RUNDC3B: variants seen among roughly 807,000 people sequenced by gnomAD.
RUNDC3B encodes the protein RUN domain-containing protein 3B.
In RUNDC3B, 33 loss-of-function variants were observed where a neutral mutation model predicts 58.4. The ratio of observed to expected loss-of-function variants is 0.56; its 90% CI spans 0.43 to 0.75. RUNDC3B has a LOEUF of 0.75. Among genes scored for constraint, RUNDC3B ranks in the 30% least tolerant of loss-of-function variants. The pLI, the probability that RUNDC3B is intolerant of heterozygous loss-of-function variation, is 0.00. For missense variants in RUNDC3B, 501 were observed against 535.7 expected (o/e 0.94, Z 0.64); for synonymous variants, 193 against 195.2 (o/e 0.99, Z 0.10).
chr7:87,721,773 TTCTCTCTC>T (rs374594143), intron 4 of RUNDC3B, among the ~76,000 whole-genome samples: 1 of 148,698 alleles, frequency 6.7e-6, no homozygotes, highest in Non-Finnish European at 1.5e-5. Flanking sequence ...AACATTCTCT[TTCTCTCTC>T]TCTCTCTCTC....
At chr7:87,683,126 A>G (rs968322602) in intron 2 of RUNDC3B, among the ~76,000 whole-genome samples, 7 of 152,132 alleles carry the variant, frequency 4.6e-5, no homozygotes, top group African/African-American at 1.7e-4. Context: ...GCTAGCTTCA[A>G]ACTTTTCTTC....
At chr7:87,782,293 A>G (rs991473452) in intron 8 of RUNDC3B, among the ~76,000 whole-genome samples, 1 of 152,000 alleles carries the variant, frequency 6.6e-6, no homozygotes, top group Non-Finnish European at 1.5e-5. Context: ...GATATTTTGT[A>G]TTTCTGTGGG....
chr7:87,663,746 A>C (rs188715275), intron 2 of RUNDC3B, among the ~76,000 whole-genome samples: 1 of 152,288 alleles, frequency 6.6e-6, no homozygotes, highest in Admixed American at 6.5e-5. Context: ...AGGCTTAAGT[A>C]ACAGAAATTT....
At chr7:87,652,846 G>A (rs1823722567) in intron 2 of RUNDC3B, among the ~76,000 whole-genome samples, 1 of 151,774 alleles carries the variant, frequency 6.6e-6, no homozygotes, top group African/African-American at 2.4e-5. Context: ...TTTTTCCAGT[G>A]TTTTCCTTTA....
chr7:87,770,207 C>T (rs1210000421), intron 6 of RUNDC3B, among the ~76,000 whole-genome samples: 1 of 152,130 alleles, frequency 6.6e-6, no homozygotes, highest in Non-Finnish European at 1.5e-5. Context: ...GAGCAGGCAG[C>T]AATCCACCTC....
intron 7 of RUNDC3B, among the ~76,000 whole-genome samples, chr7:87,774,531 A>G (rs1195082979): frequency 6.6e-6 from 1 of 152,164 alleles, no homozygotes; most frequent in East Asian, 1.9e-4. Context: ...GGAAGAATAG[A>G]CAGCACAACA....
intron 2 of RUNDC3B, among the ~76,000 whole-genome samples, chr7:87,670,091 C>T (rs1825678279): frequency 1.3e-5 from 2 of 152,152 alleles, no homozygotes; most frequent in Admixed American, 1.3e-4. Context: ...TCTCCCCCTC[C>T]CTTTCAGGAA....
chr7:87,695,438 GT>G (rs947238800), intron 2 of RUNDC3B, among the ~76,000 whole-genome samples: 3 of 152,086 alleles, frequency 2.0e-5, no homozygotes, highest in Non-Finnish European at 4.4e-5. Flanking sequence ...AACTCCACAA[GT>G]TTTTTAAAGG....
chr7:87,676,611 C>T (rs1325401342), intron 2 of RUNDC3B, among the ~76,000 whole-genome samples: 4 of 147,442 alleles, frequency 2.7e-5, no homozygotes, highest in East Asian at 2.0e-4. Flanking sequence ...GGCTGAGGCC[C>T]GAGAATTGCT....
At chr7:87,722,561 C>T (rs992157387) in intron 4 of RUNDC3B, among the ~76,000 whole-genome samples, 3 of 152,098 alleles carry the variant, frequency 2.0e-5, no homozygotes, top group African/African-American at 7.2e-5. Flanking sequence ...TATGAGTGTA[C>T]TGAGATTAGC....
chr7:87,738,629 G>A (rs904235182), intron 4 of RUNDC3B, among the ~76,000 whole-genome samples: 2 of 151,898 alleles, frequency 1.3e-5, no homozygotes, highest in Non-Finnish European at 2.9e-5. Context: ...TTTAATAGAA[G>A]ATATAGGACT....
chr7:87,807,662 G>A (rs1240795863), intron 9 of RUNDC3B, 143 bp downstream of exon 9: 1 of 645,898 alleles, frequency 1.5e-6, no homozygotes, highest in Admixed American at 2.9e-5. Flanking sequence ...CTTTGGTAAG[G>A]TTAGATTATC....
chr7:87,780,172 G>C (rs1402942167), intron 8 of RUNDC3B, among the ~76,000 whole-genome samples: 1 of 152,178 alleles, frequency 6.6e-6, no homozygotes, highest in Non-Finnish European at 1.5e-5. Flanking sequence ...GGGTTGAATG[G>C]TAATTCTGTT....
intron 4 of RUNDC3B, among the ~76,000 whole-genome samples, chr7:87,711,284 C>T (rs1218282988): frequency 6.8e-6 from 1 of 147,882 alleles, no homozygotes. Flanking sequence ...CGAGATTGAG[C>T]CATTGCACCG....
chr7:87,780,514 T>G (rs1834866855), intron 8 of RUNDC3B, among the ~76,000 whole-genome samples: 1 of 152,204 alleles, frequency 6.6e-6, no homozygotes, highest in African/African-American at 2.4e-5. Context: ...ATTTGTTGGA[T>G]GCATAGTTTG....
In RUNDC3B at chr7:87,659,781, G is replaced by T. The variant is rs187148570; in HGVS notation, c.238+8844G>T. 4.6e-4 allele frequency among the ~76,000 whole-genome samples: 70 copies of T among 152,218 alleles called. 1 individual carries two copies. Among genetic ancestry groups the T allele is most frequent in the African/African-American group, 1.6e-3 (67 of 41,554 alleles). On this transcript the variant is annotated intron_variant, in intron 2 of 10. Coordinates refer to ENST00000394654, the MANE Select transcript of RUNDC3B (RefSeq NM_001134405.2). The stretch of plus-strand genomic sequence containing the variant: ...GTCTTCCTTTTTATCTCCACCTTCA[G>T]AATCTTTTAATGTTTGTTTTCATAA...
chr7:87,795,326 T>C (rs777702636), intron 8 of RUNDC3B, among the ~76,000 whole-genome samples: 2 of 152,160 alleles, frequency 1.3e-5, no homozygotes, highest in African/African-American at 2.4e-5. Context: ...AAGATTTGAA[T>C]TGATATTTCT....
chr7:87,766,473 G>A (rs1469145910), intron 6 of RUNDC3B, among the ~76,000 whole-genome samples: 11 of 152,010 alleles, frequency 7.2e-5, no homozygotes, highest in Admixed American at 7.2e-4. Context: ...CTTGTCTGGG[G>A]AAGGACTTTA....
chr7:87,699,123 T>A (rs527323281), intron 2 of RUNDC3B, among the ~76,000 whole-genome samples: 55 of 152,258 alleles, frequency 3.6e-4, no homozygotes, highest in African/African-American at 1.3e-3. Context: ...TCTCAGACAT[T>A]GGTCCTAAAA....
Sources: allele counts gnomAD v4.1 joint callset (sites outside exome capture counted in the v4.1 genomes callset), GRCh38; gene constraint gnomAD v4.1.1; transcripts MANE v1.5; gene names NCBI Gene and HGNC (gene_info 2026-07-23, HGNC 2026-07-21).